Variants in NECTIN3 observed in about 807,000 individuals in gnomAD.
NECTIN3 encodes the protein nectin-3.
In NECTIN3, 8 loss-of-function variants were observed where a neutral mutation model predicts 49.4. The ratio of observed to expected loss-of-function variants is 0.16; its 90% confidence interval spans 0.10 to 0.29. NECTIN3 has a LOEUF of 0.29. NECTIN3 is among the 10% of genes least tolerant of loss of function. NECTIN3 has a pLI of 1.00. For synonymous variants in NECTIN3, 277 were observed against 241.1 expected (o/e 1.15, Z -1.38); for missense variants, 581 against 654.6 (o/e 0.89, Z 1.23).
At chr3:111,143,518 T>C (rs2034800787) in intron 5 of NECTIN3, among the ~76,000 whole-genome samples, 1 of 151,908 alleles carries the variant, frequency 6.6e-6, no homozygotes, top group African/African-American at 2.4e-5. Flanking sequence ...GTTACCCACA[T>C]TTAAACAAAA....
In NECTIN3 at chr3:111,104,983, C is replaced by A. The variant is rs372294431; in HGVS notation, c.161-7047C>A. On this transcript the variant is annotated intron_variant, in intron 1 of 5. Coordinates refer to ENST00000485303, the MANE Select transcript of NECTIN3 (RefSeq NM_015480.3). Reference sequence around the variant, plus strand: ...TGTTAATAATGTTGTGTCTTCTGATCCATGAATAAAGTATGTCTCTCCATT... The same window carrying A: ...TGTTAATAATGTTGTGTCTTCTGATACATGAATAAAGTATGTCTCTCCATT... Among the ~76,000 whole-genome samples, 8 of 152,168 alleles carry A rather than the reference C, an allele frequency of 5.3e-5. No homozygotes were observed. In the South Asian group the frequency reaches 1.0e-3, roughly 20 times the overall value.
intron 1 of NECTIN3, among the ~76,000 whole-genome samples, chr3:111,084,355 T>C (rs1276141423): frequency 6.6e-6 from 1 of 152,232 alleles, no homozygotes; most frequent in Non-Finnish European, 1.5e-5. Flanking sequence ...TGAATTGGCA[T>C]AACATGGACT....
intron 1 of NECTIN3, among the ~76,000 whole-genome samples, chr3:111,090,474 C>T (rs2032197147): frequency 6.6e-6 from 1 of 151,854 alleles, no homozygotes. Context: ...TTAATTAGTA[C>T]ATATATTATT....
chr3:111,078,922 T>TG (rs1444065545), intron 1 of NECTIN3, among the ~76,000 whole-genome samples: 1 of 152,148 alleles, frequency 6.6e-6, no homozygotes, highest in Non-Finnish European at 1.5e-5. Context: ...ACTTCATGTA[T>TG]GACACATCTG....
exon 6 of NECTIN3, chr3:111,144,906 A>G (rs985643907): frequency 5.2e-6 from 8 of 1,534,638 alleles, no homozygotes; most frequent in African/African-American, 2.7e-5. Context: ...CAGATGTTCC[A>G]TTTAAGCAGA....
At chr3:111,119,367 C>T (rs1169650700) in intron 3 of NECTIN3, among the ~76,000 whole-genome samples, 1 of 152,088 alleles carries the variant, frequency 6.6e-6, no homozygotes, top group Non-Finnish European at 1.5e-5. Context: ...CCAGGCTGGA[C>T]TGCCGCCAGG....
chr3:111,128,309 G>A (rs1452708899), intron 5 of NECTIN3, among the ~76,000 whole-genome samples: 1 of 149,208 alleles, frequency 6.7e-6, no homozygotes, highest in Non-Finnish European at 1.5e-5. Flanking sequence ...GGATGACAGA[G>A]CGAAACTCTG....
intron 1 of NECTIN3, among the ~76,000 whole-genome samples, chr3:111,090,096 T>C (rs1442604402): frequency 2.6e-5 from 4 of 152,194 alleles, no homozygotes; most frequent in Non-Finnish European, 1.5e-5. Context: ...CATTTTATCT[T>C]TTTTGCAACC....
At chr3:111,163,378 A>G (rs2035255602) in intron 7 of NECTIN3, among the ~76,000 whole-genome samples, 1 of 152,226 alleles carries the variant, frequency 6.6e-6, no homozygotes, top group Non-Finnish European at 1.5e-5. Flanking sequence ...CTCATAAGGC[A>G]AGGTTATGTA....
intron 1 of NECTIN3, among the ~76,000 whole-genome samples, chr3:111,082,717 T>C (rs2031692543): frequency 6.6e-6 from 1 of 152,164 alleles, no homozygotes; most frequent in African/African-American, 2.4e-5. Flanking sequence ...TTTGGGATGA[T>C]TGAAGTGCAT....
At chr3:111,181,081 C>T (rs2035619593) in intron 7 of NECTIN3, among the ~76,000 whole-genome samples, 1 of 152,120 alleles carries the variant, frequency 6.6e-6, no homozygotes, top group Admixed American at 6.5e-5. Flanking sequence ...AAAAATTTCT[C>T]ATGTATACCC....
At position 111,135,379 on chromosome 3, in the gene NECTIN3, A is replaced by G. The variant is rs774176793; in HGVS notation, c.*1164A>G. On this transcript the variant is annotated 3_prime_UTR_variant, in exon 6 of 6. Transcript: ENST00000485303. The stretch of plus-strand genomic sequence containing the variant: ...TGTTTTTACGATTAAAACTGGAAAC[A>G]TGAGGTTTTTTGTTTTTGTTTTTTT... 2.1e-6 allele frequency: 2 copies of G among 934,506 alleles called. No individual in the cohort carries two copies. The highest frequency in any genetic ancestry group is 5.0e-5 in the South Asian group (1 of 20,186). 57.9% of individuals were successfully genotyped at this position (934,506 alleles called of 1,614,324 possible). A position where few individuals can be genotyped will look rare whatever the true frequency, so the allele number is the denominator to read the frequency against.
At position 111,133,867 on chromosome 3, in the gene NECTIN3, T is replaced by C; in HGVS notation, c.1302T>C (p.Phe434=). 6.2e-7 allele frequency: 1 copy of C among 1,614,026 alleles called. No homozygotes were observed. The highest frequency in any genetic ancestry group is 1.3e-5 in the African/African-American group (1 of 75,046). Residue 434 remains phenylalanine, a synonymous_variant, in exon 6 of 6, where the codon TTT becomes TTC. Transcript: ENST00000485303. Reference sequence around the variant, plus strand: ...TCTGCTATAGGAGAAGACGGACGTTTCGTGGAGACTACTTTGCCAAGAACT... The same window carrying C: ...TCTGCTATAGGAGAAGACGGACGTTCCGTGGAGACTACTTTGCCAAGAACT... ...GIFCYRRRRT[F]RGDYFAKNYI...
chr3:111,194,169 A>G (rs1417116509), intron 1 of NECTIN3, among the ~76,000 whole-genome samples: 1 of 152,128 alleles, frequency 6.6e-6, no homozygotes, highest in Non-Finnish European at 1.5e-5. Context: ...ACCTTGTTTA[A>G]ATGGTGTACA....
In NECTIN3 at chr3:111,155,228, C is replaced by T. The variant is rs112245826; in HGVS notation, c.1221+7744C>T. The stretch of plus-strand genomic sequence containing the variant: ...CTGGGATTACAGGCGTGAGCCGCCA[C>T]GCCCAGCCAACAGTGACTTTTGAGA... On this transcript the variant is annotated intron_variant, in intron 7 of 8. Coordinates refer to the NECTIN3 transcript ENST00000493615. Among the ~76,000 whole-genome samples, 16 of 152,312 alleles carry T rather than the reference C, an allele frequency of 1.1e-4. No individual in the cohort carries two copies. In the East Asian group the frequency reaches 1.2e-3, roughly 11 times the overall value.
intron 2 of NECTIN3, among the ~76,000 whole-genome samples, chr3:111,115,714 G>A (rs1032613323): frequency 6.6e-6 from 1 of 152,206 alleles, no homozygotes; most frequent in Non-Finnish European, 1.5e-5. Flanking sequence ...CAATTGAAAT[G>A]AAGAGGTCCT....
intron 7 of NECTIN3, among the ~76,000 whole-genome samples, chr3:111,153,087 A>G (rs1239221030): frequency 2.0e-5 from 3 of 151,996 alleles, no homozygotes; most frequent in African/African-American, 7.2e-5. Flanking sequence ...TCCAAATTAT[A>G]GAGAAGTATA....
Position 111,112,242 on chromosome 3 carries a change from A to G in NECTIN3, c.373A>G (p.Asn125Asp). Reference sequence around the variant, plus strand: ...ATATCAGGGAAGAGTCTTGTTTAAAAATTACTCACTTAATGATGCAACAAT... The same window carrying G: ...ATATCAGGGAAGAGTCTTGTTTAAAGATTACTCACTTAATGATGCAACAAT... ...GEYQGRVLFK[N>D]YSLNDATITL... Residue 125 changes from asparagine (N) to aspartate (D), a missense_variant, in exon 2 of 6, where the codon AAT becomes GAT. By Grantham distance (23) the Asn-to-Asp change is conservative (BLOSUM62 1). This residue lies in a region of NECTIN3 where 234 missense variants were observed against 340.6 expected (regional missense o/e 0.69). Transcript: ENST00000485303. 2 of 1,613,768 alleles carry G rather than the reference A, an allele frequency of 1.2e-6. No homozygotes were observed. The highest frequency in any genetic ancestry group is 1.7e-6 in the Non-Finnish European group (2 of 1,179,762).
intron 5 of NECTIN3, among the ~76,000 whole-genome samples, chr3:111,128,700 A>G (rs1011013257): frequency 2.6e-5 from 4 of 152,218 alleles, no homozygotes; most frequent in African/African-American, 9.6e-5. Context: ...TAATTCATTA[A>G]CAAATCAATA....
Sources: gnomAD v4.1 joint callset for allele counts (sites outside exome capture counted in the v4.1 genomes callset) on GRCh38, gnomAD v4.1.1 for gene constraint, gnomAD v4.1.1 regional missense constraint, MANE v1.5 for transcripts, NCBI Gene and HGNC (gene_info 2026-07-23, HGNC 2026-07-21) for gene names.